The following GNA12 variants were observed in gnomAD, a reference collection of about 807,000 sequenced individuals.
GNA12 encodes the protein guanine nucleotide-binding protein subunit alpha-12.
A neutral mutation model predicts 26.0 loss-of-function variants in GNA12; 9 were observed. The observed-to-expected ratio is 0.35, with a 90% CI of 0.21 to 0.60. GNA12 has a LOEUF of 0.60. Ranked by LOEUF, GNA12 falls within the 20% of genes least tolerant of loss-of-function variation. GNA12 has a pLI of 0.78. For missense variants in GNA12, 405 were observed against 525.8 expected (o/e 0.77, Z 2.25); for synonymous variants, 264 against 219.6 (o/e 1.20, Z -1.79).
At chr7:2,822,210 A>G (rs1354084918) in intron 1 of GNA12, among the ~76,000 whole-genome samples, 2 of 152,180 alleles carry the variant, frequency 1.3e-5, no homozygotes, top group Non-Finnish European at 2.9e-5. Flanking sequence ...CTCCTCCGAG[A>G]TGTTGTTCTT....
intron 2 of GNA12, among the ~76,000 whole-genome samples, chr7:2,772,559 CAA>C (rs60736477): frequency 1.8e-5 from 2 of 113,752 alleles, no homozygotes. Flanking sequence ...GACTCCATCT[CAA>C]AAAAAAAAAA....
intron 1 of GNA12, among the ~76,000 whole-genome samples, chr7:2,819,335 G>C (rs1349231595): frequency 1.3e-5 from 2 of 152,204 alleles, no homozygotes; most frequent in African/African-American, 4.8e-5. Flanking sequence ...GAACCTTCCT[G>C]TTAGTCTCAT....
chr7:2,780,051 C>CATATATATATATATATATAT (rs3996399), intron 2 of GNA12, among the ~76,000 whole-genome samples: 2 of 62,208 alleles, frequency 3.2e-5, no homozygotes, highest in Non-Finnish European at 6.5e-5. Flanking sequence ...TTTCTGTGTA[C>CATATATATATATATATATAT]ATATATATAT....
At position 2,828,692 on chromosome 7, in the gene GNA12, G is replaced by A. The variant is rs551632157; in HGVS notation, c.309+15161C>T. On this transcript the variant is annotated intron_variant, in intron 1 of 3. Coordinates refer to ENST00000275364, the MANE Select transcript of GNA12 (RefSeq NM_007353.3). ...TTCCTGCTCTAGTGACTTCAGTTTA[G>A]CAGGTGGTCAAAGAAATAAATTTCC... Among the ~76,000 whole-genome samples, 15 of 152,304 alleles carry A rather than the reference G, an allele frequency of 9.8e-5. No homozygotes were observed. In the South Asian group the frequency reaches 3.1e-3, roughly 32 times the overall value.
rs539230757 is a variant in GNA12 at position 2,841,153 on chromosome 7, T to C, written c.309+2700A>G. On this transcript the variant is annotated intron_variant, in intron 1 of 3. Coordinates refer to ENST00000275364, the MANE Select transcript of GNA12 (RefSeq NM_007353.3). ...CATCAGGAGGTTGAGTTTTCTTTTT[T>C]TCTTTTTCTTTTTTTTGAGACGGAG... Among the ~76,000 whole-genome samples, 5 of 152,308 alleles carry C rather than the reference T, an allele frequency of 3.3e-5. No individual in the cohort carries two copies. In the South Asian group the frequency reaches 1.0e-3, roughly 32 times the overall value.
intron 1 of GNA12, among the ~76,000 whole-genome samples, chr7:2,827,004 C>G (rs537195564): frequency 9.8e-5 from 15 of 152,294 alleles, no homozygotes; most frequent in African/African-American, 3.6e-4. Flanking sequence ...ATGTTACTCA[C>G]AGGGGAAAAC....
intron 2 of GNA12, among the ~76,000 whole-genome samples, chr7:2,741,741 C>T (rs1470448395): frequency 6.6e-6 from 1 of 151,866 alleles, no homozygotes; most frequent in Non-Finnish European, 1.5e-5. Context: ...AAGTTGTTTA[C>T]CCCTAACAAC....
intron 2 of GNA12, among the ~76,000 whole-genome samples, chr7:2,736,468 G>T (rs1041412873): frequency 2.6e-5 from 4 of 152,216 alleles, no homozygotes; most frequent in African/African-American, 9.6e-5. Context: ...TCCCACGAAT[G>T]TGTCTGTCCT....
At chr7:2,787,111 A>C (rs1792381425) in intron 2 of GNA12, among the ~76,000 whole-genome samples, 1 of 151,846 alleles carries the variant, frequency 6.6e-6, no homozygotes, top group Admixed American at 6.6e-5. Flanking sequence ...AGAACACAAC[A>C]ACCCTGGGGC....
At chr7:2,810,068 C>T (rs996864931) in intron 1 of GNA12, among the ~76,000 whole-genome samples, 2 of 152,174 alleles carry the variant, frequency 1.3e-5, no homozygotes, top group Non-Finnish European at 2.9e-5. Flanking sequence ...GGGAGAGGAT[C>T]GCTTAAGAAG....
At chr7:2,813,578 GA>G (rs923690746) in intron 1 of GNA12, among the ~76,000 whole-genome samples, 81 of 150,464 alleles carry the variant, frequency 5.4e-4, no homozygotes, top group African/African-American at 2.0e-3. Context: ...CTCAGGTGGG[GA>G]AAAAAAAACA....
intron 1 of GNA12, among the ~76,000 whole-genome samples, chr7:2,843,503 C>A (rs1367308769): frequency 6.6e-6 from 1 of 152,058 alleles, no homozygotes; most frequent in African/African-American, 2.4e-5. Context: ...TAAAAATTAG[C>A]TGGGCTGGTG....
At chr7:2,751,968 CAA>C (rs1791062683) in intron 2 of GNA12, among the ~76,000 whole-genome samples, 1 of 152,066 alleles carries the variant, frequency 6.6e-6, no homozygotes, top group African/African-American at 2.4e-5. Context: ...TTCAGAAAAT[CAA>C]AGAGGAAGAA....
intron 2 of GNA12, among the ~76,000 whole-genome samples, chr7:2,744,845 C>T (rs951669543): frequency 6.6e-6 from 1 of 152,102 alleles, no homozygotes; most frequent in Non-Finnish European, 1.5e-5. Context: ...GAGCTGAAAA[C>T]CAAGGCATGA....
intron 2 of GNA12, chr7:2,763,191 AACACACACAC>A (rs56384682): frequency 0.013 from 2,890 of 222,126 alleles, 70 homozygotes; most frequent in Admixed American, 0.071. Flanking sequence ...AAGACACCCC[AACACACACAC>A]ACACACACAC....
chr7:2,802,874 T>C (rs1399757969), intron 1 of GNA12, among the ~76,000 whole-genome samples: 1 of 152,154 alleles, frequency 6.6e-6, no homozygotes, highest in East Asian at 1.9e-4. Context: ...AGCGAGAAAC[T>C]GACGAAGGGA....
At chr7:2,814,265 A>G (rs768937482) in intron 1 of GNA12, 1 of 933,866 alleles carries the variant, frequency 1.1e-6, no homozygotes, top group Non-Finnish European at 1.8e-6. Flanking sequence ...ATCCTGACTG[A>G]GATCAGGGAG....
At chr7:2,763,681 G>C (rs1791681773) in intron 2 of GNA12, among the ~76,000 whole-genome samples, 1 of 152,244 alleles carries the variant, frequency 6.6e-6, no homozygotes, top group Non-Finnish European at 1.5e-5. Context: ...TCCCTGGTAA[G>C]AATGAGAAAG....
chr7:2,784,985 T>G (rs1192152236), intron 2 of GNA12, among the ~76,000 whole-genome samples: 2 of 152,228 alleles, frequency 1.3e-5, no homozygotes, highest in African/African-American at 4.8e-5. Context: ...TGTACTGGCT[T>G]AAGGATCTAT....
Sources: allele counts gnomAD v4.1 joint callset (sites outside exome capture counted in the v4.1 genomes callset), GRCh38; gene constraint gnomAD v4.1.1; transcripts MANE v1.5; gene names NCBI Gene and HGNC (gene_info 2026-07-23, HGNC 2026-07-21).